NSD2: variants seen among roughly 807,000 people sequenced by gnomAD.
NSD2 encodes histone-lysine N-methyltransferase NSD2.
Under a neutral mutation model 139.0 loss-of-function variants are expected in NSD2, and 12 were observed. That is an observed-to-expected ratio of 0.09 (90% confidence interval 0.06 to 0.14). NSD2 has a LOEUF of 0.14. NSD2 is among the 10% of genes least tolerant of loss of function. The pLI, the probability that NSD2 is intolerant of heterozygous loss-of-function variation, is 1.00. For missense variants in NSD2, 1,155 were observed against 1,745.0 expected (o/e 0.66, Z 6.02); for synonymous variants, 669 against 648.7 (o/e 1.03, Z -0.48).
chr4:1,886,825 G>A (rs1715151324), intron 1 of NSD2, among the ~76,000 whole-genome samples: 1 of 151,800 alleles, frequency 6.6e-6, no homozygotes, highest in South Asian at 2.1e-4. Flanking sequence ...GGGACAGAGC[G>A]AGACTCCATC....
chr4:1,957,790 A>G (rs984287906), intron 15 of NSD2, 143 bp from the exon 16 acceptor site: 7 of 752,486 alleles, frequency 9.3e-6, no homozygotes, highest in African/African-American at 3.5e-5. Context: ...GCCCACTGAC[A>G]GTTGTTCATA....
chr4:1,918,814 T>C (rs761418167), intron 5 of NSD2, 191 bp downstream of exon 5: 1 of 750,734 alleles, frequency 1.3e-6, no homozygotes, highest in Non-Finnish European at 2.0e-6. Context: ...CGACTTGCAC[T>C]CTGGGGTCTT....
intron 9 of NSD2, chr4:1,943,923 A>G (rs1437850932): frequency 1.9e-6 from 2 of 1,063,852 alleles, no homozygotes; most frequent in South Asian, 4.6e-5. Flanking sequence ...TGATAGATGC[A>G]TTAGAAGTCA....
intron 18 of NSD2, among the ~76,000 whole-genome samples, chr4:1,970,507 C>T (rs976977311): frequency 2.0e-5 from 3 of 152,072 alleles, no homozygotes; most frequent in Admixed American, 6.6e-5. Flanking sequence ...TGGCAGCTGC[C>T]GGGGGTGAGT....
rs756806595 is a variant in NSD2, at chr4:1,918,281, C to T, written c.1068C>T (p.Asn356=). ...FLYVGDQLHL[N]PQVAKEAGIA... Reference sequence around the variant, plus strand: ...ATGTGGGGGACCAGCTTCATCTCAACCCTCAAGTAGCCAAGGAGGCTGGCA... The same window carrying T: ...ATGTGGGGGACCAGCTTCATCTCAATCCTCAAGTAGCCAAGGAGGCTGGCA... Residue 356 remains asparagine, a synonymous_variant, in exon 5 of 22, where the codon AAC becomes AAT. Transcript: ENST00000508803. 3.7e-6 allele frequency: 6 copies of T among 1,613,894 alleles called. No homozygotes were observed. In the Admixed American group the frequency reaches 1.0e-4, roughly 27 times the overall value.
intron 15 of NSD2, 50 bp from the exon 16 acceptor site, chr4:1,957,883 A>C: frequency 6.6e-7 from 1 of 1,508,464 alleles, no homozygotes; most frequent in Non-Finnish European, 9.2e-7. Context: ...CTTGAAAGGT[A>C]GTTACCTGTA....
intron 6 of NSD2, among the ~76,000 whole-genome samples, chr4:1,931,000 C>A (rs145618296): frequency 1.8e-4 from 27 of 152,008 alleles, no homozygotes; most frequent in African/African-American, 6.0e-4. Context: ...GCCTGTGGCT[C>A]CCTTGCTCTC....
intron 15 of NSD2, among the ~76,000 whole-genome samples, chr4:1,957,085 G>A (rs1468416695): frequency 1.3e-5 from 2 of 152,216 alleles, no homozygotes; most frequent in Non-Finnish European, 2.9e-5. Context: ...GTGTCCTGTA[G>A]AGCCAGAAAC....
At chr4:1,946,537 G>A (rs1723652481) in intron 9 of NSD2, 1 of 1,011,236 alleles carries the variant, frequency 9.9e-7, no homozygotes, top group Non-Finnish European at 1.2e-6. Flanking sequence ...CCAAAATGCT[G>A]GGATTACAGG....
chr4:1,934,895 A>ATG (rs1722189373), intron 6 of NSD2, among the ~76,000 whole-genome samples: 1 of 129,600 alleles, frequency 7.7e-6, no homozygotes, highest in East Asian at 2.1e-4. Flanking sequence ...ATATATATAT[A>ATG]TATATATATA....
At chr4:1,889,223 GTCT>G (rs1224909473) in intron 1 of NSD2, among the ~76,000 whole-genome samples, 4 of 152,068 alleles carry the variant, frequency 2.6e-5, no homozygotes, top group Non-Finnish European at 5.9e-5. Flanking sequence ...TTGAGACAGG[GTCT>G]TCTTCTGCCA....
In NSD2 at chr4:1,955,517, T is replaced by C. The variant is rs527546992; in HGVS notation, c.2519-176T>C. ...ATTAATTGTAATCATTTCGCAAACA[T>C]ACAGGAAATTATTTGTGGTGAAAAT... On this transcript the variant is annotated intron_variant, in intron 13 of 21. Coordinates refer to ENST00000508803, the MANE Select transcript of NSD2 (RefSeq NM_001042424.3). This position sits in a 1 kb window ranked among gnomAD's most constrained non-coding sequence, Gnocchi z 4.7. The C allele has an allele frequency of 5.7e-6, 7 of 1,224,062 alleles. No homozygotes were observed. In the African/African-American group the frequency reaches 1.1e-4, roughly 19 times the overall value. 75.8% of individuals were successfully genotyped at this position (1,224,062 alleles called of 1,614,324 possible).
intron 1 of NSD2, among the ~76,000 whole-genome samples, chr4:1,874,873 T>C (rs1714134186): frequency 6.6e-6 from 1 of 152,260 alleles, no homozygotes; most frequent in Non-Finnish European, 1.5e-5. Context: ...TTTTAATGAA[T>C]GGTTATTTAC....
chr4:1,900,623 T>C lies in NSD2; in HGVS notation c.-29-3T>C. Reference sequence around the variant, plus strand: ...TTCTTTTTTCTTTTTTTTAATACCATAGTGTTCTAAGAACGGAAGCATCTG... The same window carrying C: ...TTCTTTTTTCTTTTTTTTAATACCACAGTGTTCTAAGAACGGAAGCATCTG... On this transcript the variant is annotated splice_region_variant and splice_polypyrimidine_tract_variant and intron_variant, in intron 1 of 21. Coordinates refer to ENST00000508803, the MANE Select transcript of NSD2 (RefSeq NM_001042424.3). 1.3e-6 allele frequency: 2 copies of C among 1,501,342 alleles called. No homozygotes were observed. The highest frequency in any genetic ancestry group is 1.4e-5 in the African/African-American group (1 of 71,382). The allele number at this position is 1,501,342 out of a possible 1,614,324, so 93.0% of individuals were successfully genotyped here. A position where few individuals can be genotyped will look rare whatever the true frequency, so the allele number is the denominator to read the frequency against.
At chr4:1,924,376 C>G (rs1055343475) in intron 5 of NSD2, among the ~76,000 whole-genome samples, 2 of 151,924 alleles carry the variant, frequency 1.3e-5, no homozygotes, top group Admixed American at 1.3e-4. Context: ...GGAACCGCCC[C>G]GTCAGCCACT....
In NSD2 at chr4:1,955,740, G is replaced by A; in HGVS notation, c.2566G>A (p.Asp856Asn). 1 of 1,614,104 alleles carries A rather than the reference G, an allele frequency of 6.2e-7. No individual in the cohort carries two copies. The highest frequency in any genetic ancestry group is 8.5e-7 in the Non-Finnish European group (1 of 1,179,988). The change falls in exon 14 of 22, where the codon GAC (aspartate) becomes AAC (asparagine). Residue 856 changes from aspartate to asparagine, a missense_variant. Asp to Asn is a conservative substitution (Grantham distance 23). Coordinates refer to ENST00000508803, the MANE Select transcript of NSD2 (RefSeq NM_001042424.3). The surrounding 1 kb of genome is among the most constrained non-coding windows in gnomAD (Gnocchi z 4.7). ...GTCCTGCCCAGCGGCCTTCCACCCTGACTGCCTGAACATCGAGATGCCTGA... is the reference window on the plus strand; with the variant it reads ...GTCCTGCCCAGCGGCCTTCCACCCTAACTGCCTGAACATCGAGATGCCTGA... ...CESCPAAFHPDCLNIEMPDGS... is the reference protein window; with the variant it reads ...CESCPAAFHPNCLNIEMPDGS...
At position 1,976,146 on chromosome 4, in the gene NSD2, G is replaced by A. The variant is rs533617347; in HGVS notation, c.3622-329G>A. On this transcript the variant is annotated intron_variant, in intron 20 of 21. Coordinates refer to ENST00000508803, the MANE Select transcript of NSD2 (RefSeq NM_001042424.3). This position sits in a 1 kb window ranked among gnomAD's most constrained non-coding sequence, Gnocchi z 5.3. ...AGGAGACCCTGGGTGGCGGGCGGGAGCTGTTCTGCCTGTGGTGGCCTCCTT... is the reference window on the plus strand; with the variant it reads ...AGGAGACCCTGGGTGGCGGGCGGGAACTGTTCTGCCTGTGGTGGCCTCCTT... Among the ~76,000 whole-genome samples, 72 of 152,324 alleles carry A rather than the reference G, an allele frequency of 4.7e-4. No individual in the cohort carries two copies. Among genetic ancestry groups the A allele is most frequent in the African/African-American group, 1.7e-3 (69 of 41,584 alleles).
At chr4:1,953,296 C>T in intron 11 of NSD2, 28 bp from the exon 12 acceptor site, 1 of 1,614,220 alleles carries the variant, frequency 6.2e-7, no homozygotes, top group Non-Finnish European at 8.5e-7. Context: ...GCACCTCTCT[C>T]TCCACCCCTT....
intron 6 of NSD2, among the ~76,000 whole-genome samples, chr4:1,931,602 T>G (rs1721641172): frequency 6.6e-6 from 1 of 152,112 alleles, no homozygotes; most frequent in Non-Finnish European, 1.5e-5. Flanking sequence ...GTTTCAAGAC[T>G]CACCTAAAGG....
Sources: allele counts gnomAD v4.1 joint callset (sites outside exome capture counted in the v4.1 genomes callset), GRCh38; gene constraint gnomAD v4.1.1; non-coding constraint Gnocchi (gnomAD v3.1); transcripts MANE v1.5; gene names NCBI Gene and HGNC (gene_info 2026-07-23, HGNC 2026-07-21).